The following GSN variants were observed in gnomAD, a reference collection of about 807,000 sequenced individuals.
GSN encodes the protein actin-depolymerizing factor.
A neutral mutation model predicts 85.7 loss-of-function variants in GSN; 56 were observed. The ratio of observed to expected loss-of-function variants is 0.65; its 90% CI spans 0.53 to 0.82. The LOEUF is 0.82. GSN is among the 40% of genes least tolerant of loss of function. GSN has a pLI of 0.00. For synonymous variants in GSN, 373 were observed against 399.1 expected (o/e 0.93, Z 0.78); for missense variants, 857 against 979.8 (o/e 0.87, Z 1.67).
intron 4 of GSN, among the ~76,000 whole-genome samples, chr9:121,305,192 A>G (rs1287576503): frequency 6.6e-6 from 1 of 152,208 alleles, no homozygotes; most frequent in Non-Finnish European, 1.5e-5. Context: ...AATAACCCTT[A>G]CCGTGTGTTA....
intron 2 of GSN, among the ~76,000 whole-genome samples, chr9:121,297,480 T>C (rs2059330040): frequency 6.6e-6 from 1 of 152,212 alleles, no homozygotes; most frequent in African/African-American, 2.4e-5. Flanking sequence ...ACGGCAATGT[T>C]TGAGGATGAA....
chr9:121,256,292 A>C (rs896120663), intron 6 of GSN, among the ~76,000 whole-genome samples: 10 of 152,208 alleles, frequency 6.6e-5, no homozygotes, highest in African/African-American at 2.4e-4. Flanking sequence ...TACCTATAGG[A>C]GTAAGGAGCC....
At position 121,326,584 on chromosome 9, in the gene GSN, A is replaced by G. The variant is rs2063199726; in HGVS notation, c.1489A>G (p.Lys497Glu). 1 of 1,613,620 alleles carries G rather than the reference A, an allele frequency of 6.2e-7. No homozygotes were observed. The highest frequency in any genetic ancestry group is 8.5e-7 in the Non-Finnish European group (1 of 1,179,840). Residue 497 changes from lysine to glutamate, a missense_variant, in exon 13 of 18, where the codon AAG (lysine) becomes GAG (glutamate). Coordinates refer to ENST00000432226, the MANE Select transcript of GSN (RefSeq NM_198252.3). ...TGGTGGGAAGCCCATGATCATCTACAAGGGCGGCACCTCCCGCGAGGGCGG... is the reference window on the plus strand; with the variant it reads ...TGGTGGGAAGCCCATGATCATCTACGAGGGCGGCACCTCCCGCGAGGGCGG... ...LFGGKPMIIY[K>E]GGTSREGGQT...
chr9:121,202,025 C>T, the GSN span, among the ~76,000 whole-genome samples: 1 of 152,216 alleles, frequency 6.6e-6, no homozygotes, highest in Admixed American at 6.5e-5. Flanking sequence ...CACCTCTGGA[C>T]TTGTCGCGCC....
intron 11 of GSN, among the ~76,000 whole-genome samples, chr9:121,322,480 A>G (rs765020419): frequency 3.9e-5 from 6 of 152,220 alleles, no homozygotes; most frequent in Non-Finnish European, 7.3e-5. Flanking sequence ...GTCTTTCTCT[A>G]TTACAAACAT....
chr9:121,257,008 CCAACA>C (rs1205824308), intron 6 of GSN, among the ~76,000 whole-genome samples: 1 of 151,524 alleles, frequency 6.6e-6, no homozygotes, highest in East Asian at 1.9e-4. Context: ...TGTAATGTTC[CCAACA>C]CAAAAAAGAG....
At chr9:121,331,273 G>T in intron 16 of GSN, 115 bp from the exon 17 acceptor site, 1 of 722,186 alleles carries the variant, frequency 1.4e-6, no homozygotes, top group Non-Finnish European at 2.5e-6. Flanking sequence ...CATGGGCTCT[G>T]TTAGAAAGGG....
intron 2 of GSN, among the ~76,000 whole-genome samples, chr9:121,288,023 C>A (rs2058323044): frequency 6.6e-6 from 1 of 152,122 alleles, no homozygotes; most frequent in African/African-American, 2.4e-5. Flanking sequence ...ACTTCCTGGG[C>A]TCAAGCGATC....
At chr9:121,310,440 A>G (rs957976019) in intron 4 of GSN, 17 of 537,166 alleles carry the variant, frequency 3.2e-5, no homozygotes, top group Non-Finnish European at 4.7e-5. Flanking sequence ...GGAATCTCTC[A>G]CTTCTTAGCT....
At chr9:121,321,183 A>T in intron 10 of GSN, 85 bp from the exon 11 acceptor site, 1 of 1,454,530 alleles carries the variant, frequency 6.9e-7, no homozygotes, top group East Asian at 2.3e-5. Context: ...CCTAACCACA[A>T]CCTACCACAC....
chr9:121,276,313 C>T lies in GSN; in HGVS notation c.-102-5157C>T, dbSNP rs80010968. Among the ~76,000 whole-genome samples, 169 of 152,328 alleles carry T rather than the reference C, an allele frequency of 1.1e-3. 3 individuals carry two copies. The East Asian group carries it at 0.03, about 27-fold the overall frequency. Reference sequence around the variant, plus strand: ...AGAATTCCTTGCTTTGGTAAGAAGCCCTAGCCCCTCTCAAGGACCTATTTT... The same window carrying T: ...AGAATTCCTTGCTTTGGTAAGAAGCTCTAGCCCCTCTCAAGGACCTATTTT... On this transcript the variant is annotated intron_variant, in intron 1 of 17. Transcript: ENST00000432226.
At chr9:121,308,783 C>T (rs1420011206) in intron 4 of GSN, 1 of 152,300 alleles carries the variant, frequency 6.6e-6, no homozygotes, top group Admixed American at 6.5e-5. Context: ...CCATTTTGCA[C>T]ATCAGTGCGA....
rs1298434188 is a variant in GSN, at chr9:121,299,217, G to C, written c.-9-2746G>C. ...AAGAAAAGTAGGAGGGGCTATCCCA[G>C]GAGCTGAGCGTTCTGCCCCGCCCCT... On this transcript the variant is annotated intron_variant, in intron 2 of 17. Transcript: ENST00000432226. The surrounding 1 kb of genome is among the most constrained non-coding windows in gnomAD (Gnocchi z 4.2). 1 of 630,032 alleles carries C rather than the reference G, an allele frequency of 1.6e-6. No individual in the cohort carries two copies. The highest frequency in any genetic ancestry group is 2.0e-6 in the Non-Finnish European group (1 of 504,740). 39.0% of individuals were successfully genotyped at this position (630,032 alleles called of 1,614,324 possible).
At chr9:121,331,242 C>G in intron 16 of GSN, 146 bp from the exon 17 acceptor site, 1 of 655,562 alleles carries the variant, frequency 1.5e-6, no homozygotes. Context: ...ACCTCTGTTC[C>G]AAATCCTTCC....
intron 6 of GSN, among the ~76,000 whole-genome samples, chr9:121,258,585 A>G (rs2055016818): frequency 6.6e-6 from 1 of 152,236 alleles, no homozygotes; most frequent in South Asian, 2.1e-4. Context: ...AGAAGCAGAC[A>G]TTTTGAGAAG....
In GSN at chr9:121,302,190, C is replaced by T. The variant is rs553306979; in HGVS notation, c.196+23C>T. 104 of 1,612,304 alleles carry T rather than the reference C, an allele frequency of 6.5e-5. 1 individual carries two copies. In the South Asian group the frequency reaches 1.1e-3, roughly 17 times the overall value. On this transcript the variant is annotated intron_variant, in intron 3 of 17. Coordinates refer to ENST00000432226, the MANE Select transcript of GSN (RefSeq NM_198252.3). ...TGGGTGAGGCTGGCCCTGCCCAGCC[C>T]CTGCCCCAGCCCCCATTCTGAACAG... is the stretch of plus-strand genomic sequence containing the variant.
Position 121,299,957 on chromosome 9 carries a change from G to A in GSN, c.-9-2006G>A. ...CCGTCCGCGCGGCCACTGCGTCGCG[G>A]GGGGCGTCCCAGGCGGGGGCGCCCC... On this transcript the variant is annotated intron_variant, in intron 2 of 17. Transcript: ENST00000432226. The surrounding 1 kb of genome is among the most constrained non-coding windows in gnomAD (Gnocchi z 4.2). 2.3e-6 allele frequency: 3 copies of A among 1,279,390 alleles called. No individual in the cohort carries two copies. Among genetic ancestry groups the A allele is most frequent in the Non-Finnish European group, 3.0e-6 (3 of 1,011,510 alleles). The allele number at this position is 1,279,390 out of a possible 1,614,324, so 79.3% of individuals were successfully genotyped here.
chr9:121,202,090 G>T, the GSN span, among the ~76,000 whole-genome samples: 3 of 152,234 alleles, frequency 2.0e-5, no homozygotes, highest in African/African-American at 7.2e-5. Context: ...TGGAAAGCGC[G>T]TATGCGCAAG....
chr9:121,310,619 C>T, intron 4 of GSN, 65 bp from the exon 5 acceptor site: 1 of 1,520,400 alleles, frequency 6.6e-7, no homozygotes, highest in Non-Finnish European at 9.1e-7. Flanking sequence ...ATTCTGTCCC[C>T]TTCTTCCATA....
Sources: gnomAD v4.1 joint callset for allele counts (sites outside exome capture counted in the v4.1 genomes callset) on GRCh38, gnomAD v4.1.1 for gene constraint, Gnocchi (gnomAD v3.1) non-coding constraint, MANE v1.5 for transcripts, NCBI Gene and HGNC (gene_info 2026-07-23, HGNC 2026-07-21) for gene names.